The following EXOC2 variants were observed in gnomAD, a reference collection of about 807,000 sequenced individuals.
EXOC2 encodes the protein SEC5-like 1.
Under a neutral mutation model 131.8 loss-of-function variants are expected in EXOC2, and 70 were observed. The ratio of observed to expected loss-of-function variants is 0.53; its 90% CI spans 0.44 to 0.65. EXOC2 has a LOEUF of 0.65. Among genes scored for constraint, EXOC2 ranks in the 30% least tolerant of loss-of-function variants. The pLI is 0.00. For synonymous variants in EXOC2, 411 were observed against 398.4 expected, an observed-to-expected ratio of 1.03 and a Z score of -0.38; for missense variants, 923 against 1,108.6, an observed-to-expected ratio of 0.83 and a Z score of 2.38.
intron 1 of EXOC2, among the ~76,000 whole-genome samples, chr6:644,212 G>A (rs545678091): frequency 7.9e-5 from 12 of 152,158 alleles, no homozygotes; most frequent in African/African-American, 2.2e-4. Context: ...ATCAATCACT[G>A]TGAATTACCA....
Position 690,164 on chromosome 6 carries a change from G to A in EXOC2, c.-44+2855C>T, listed in dbSNP as rs765634202. Among the ~76,000 whole-genome samples the A allele has an allele frequency of 1.1e-4, 16 of 152,274 alleles. No homozygotes were observed. The East Asian group carries it at 2.9e-3, about 28-fold the overall frequency. On this transcript the variant is annotated intron_variant, in intron 1 of 27. Transcript: ENST00000230449. Reference sequence around the variant, plus strand: ...GCATTCAGGAGTTCAAGACCAGCCTGGGCAACGTAGGAAGACCTCACCTCC... The same window carrying A: ...GCATTCAGGAGTTCAAGACCAGCCTAGGCAACGTAGGAAGACCTCACCTCC...
At chr6:630,891 G>A (rs1225306408) in intron 3 of EXOC2, among the ~76,000 whole-genome samples, 1 of 152,184 alleles carries the variant, frequency 6.6e-6, no homozygotes, top group Non-Finnish European at 1.5e-5. Flanking sequence ...GTTATTCAGG[G>A]AAAACTGACT....
intron 1 of EXOC2, among the ~76,000 whole-genome samples, chr6:688,984 C>A (rs1764792948): frequency 6.6e-6 from 1 of 152,192 alleles, no homozygotes; most frequent in African/African-American, 2.4e-5. Flanking sequence ...TTCATCCATG[C>A]TTACAAATGA....
chr6:508,214 G>A (rs565886172), intron 23 of EXOC2, among the ~76,000 whole-genome samples: 3 of 152,232 alleles, frequency 2.0e-5, no homozygotes, highest in South Asian at 2.1e-4. Context: ...CGTCCCGCCC[G>A]CCACCACATA....
intron 1 of EXOC2, among the ~76,000 whole-genome samples, chr6:646,076 G>C (rs1099773): frequency 0.67 from 102,250 of 152,106 alleles, 34,821 homozygotes; most frequent in Middle Eastern, 0.81. Context: ...TTTGATTTGG[G>C]TTATGTATCT....
chr6:631,145 A>T (rs1304635457), intron 3 of EXOC2, among the ~76,000 whole-genome samples: 1 of 152,214 alleles, frequency 6.6e-6, no homozygotes, highest in Non-Finnish European at 1.5e-5. Context: ...CTGTAGCTGC[A>T]AGGCCCTCTA....
intron 23 of EXOC2, among the ~76,000 whole-genome samples, chr6:523,670 A>G (rs552898149): frequency 2.5e-4 from 38 of 152,362 alleles, no homozygotes; most frequent in African/African-American, 9.1e-4. Context: ...CCAAAGTATA[A>G]TCAGTTCTTT....
intron 11 of EXOC2, among the ~76,000 whole-genome samples, chr6:578,087 G>A (rs1581478481): frequency 6.6e-6 from 1 of 152,224 alleles, no homozygotes; most frequent in South Asian, 2.1e-4. Flanking sequence ...ATATCTCCAT[G>A]TTCCCCACAG....
chr6:660,384 A>T (rs1184266739), intron 1 of EXOC2, among the ~76,000 whole-genome samples: 2 of 152,202 alleles, frequency 1.3e-5, no homozygotes, highest in African/African-American at 4.8e-5. Flanking sequence ...ACCCTCCCTC[A>T]GGGAGTCCAT....
At chr6:675,311 T>C (rs1362604910) in intron 1 of EXOC2, among the ~76,000 whole-genome samples, 1 of 152,220 alleles carries the variant, frequency 6.6e-6, no homozygotes, top group East Asian at 1.9e-4. Context: ...AAAAAACATT[T>C]AGAAATTCTC....
chr6:495,127 CT>C (rs11335527), intron 25 of EXOC2, among the ~76,000 whole-genome samples: 64,111 of 119,340 alleles, frequency 0.54, 16,464 homozygotes, highest in East Asian at 0.65. Flanking sequence ...GGTGAACATT[CT>C]TTTTTTTTTT....
At chr6:617,999 C>T (rs779712577) in intron 5 of EXOC2, among the ~76,000 whole-genome samples, 164 bp from the exon 6 acceptor site, 10 of 152,132 alleles carry the variant, frequency 6.6e-5, no homozygotes, top group Non-Finnish European at 1.2e-4. Context: ...CAAATTGTTG[C>T]GTAGATCTAA....
In EXOC2 at chr6:485,875, G is replaced by A. The variant is rs896074345; in HGVS notation, c.*796C>T. ...TTTCCGTTAGGGGACCCTGAAGTCT[G>A]CGACCGCCCCGCCAACACCTCAGAG... On this transcript the variant is annotated 3_prime_UTR_variant, in exon 28 of 28. Transcript: ENST00000230449. 5 of 152,266 alleles carry A rather than the reference G, an allele frequency of 3.3e-5. No homozygotes were observed. Among genetic ancestry groups the A allele is most frequent in the African/African-American group, 1.2e-4 (5 of 41,456 alleles). The allele number at this position is 152,266 out of a possible 1,614,324, so 9.4% of individuals were successfully genotyped here.
At chr6:503,845 G>A (rs899239300) in intron 23 of EXOC2, among the ~76,000 whole-genome samples, 12 of 152,262 alleles carry the variant, frequency 7.9e-5, no homozygotes, top group African/African-American at 2.4e-4. Context: ...GAGACCAGCC[G>A]AGTAGCACGC....
intron 1 of EXOC2, among the ~76,000 whole-genome samples, chr6:671,390 T>C (rs771360929): frequency 4.6e-5 from 7 of 151,972 alleles, no homozygotes; most frequent in Non-Finnish European, 1.0e-4. Context: ...ATTTGTTTTT[T>C]AAGCCAACAA....
At position 501,170 on chromosome 6, in the gene EXOC2, ATATATC is replaced by A. The variant is rs202156355; in HGVS notation, c.2381-1476_2381-1471del. Among the ~76,000 whole-genome samples the A allele has an allele frequency of 5.6e-4, 7 of 12,434 alleles. No individual in the cohort carries two copies. In the East Asian group the frequency reaches 7.5e-3, roughly 13 times the overall value. The allele number at this position is 12,434 out of a possible 152,430, so 8.2% of individuals were successfully genotyped here. A position where few individuals can be genotyped will look rare whatever the true frequency, so the allele number is the denominator to read the frequency against. On this transcript the variant is annotated intron_variant, in intron 23 of 27. Transcript: ENST00000230449. ...TATTATATATATCTATATATATTAT[ATATATC>A]TATATATTATATATATCTATATATA...
intron 13 of EXOC2, among the ~76,000 whole-genome samples, chr6:568,392 T>A (rs1296811555): frequency 5.9e-5 from 9 of 152,292 alleles, no homozygotes; most frequent in Non-Finnish European, 1.3e-4. Context: ...ACATGTGCTC[T>A]CCTTAGGTCT....
At chr6:558,594 T>G (rs1329004716) in intron 17 of EXOC2, among the ~76,000 whole-genome samples, 1 of 152,100 alleles carries the variant, frequency 6.6e-6, no homozygotes, top group Non-Finnish European at 1.5e-5. Flanking sequence ...GGTGGATTGC[T>G]TGAGGTCAGA....
intron 17 of EXOC2, 141 bp downstream of exon 17, chr6:562,643 T>C: frequency 2.0e-6 from 1 of 495,454 alleles, no homozygotes; most frequent in South Asian, 6.7e-5. Context: ...AGCAAAAATG[T>C]CTCTGAGAAG....
Sources: allele counts gnomAD v4.1 joint callset (sites outside exome capture counted in the v4.1 genomes callset), GRCh38; gene constraint gnomAD v4.1.1; transcripts MANE v1.5; gene names NCBI Gene and HGNC (gene_info 2026-07-23, HGNC 2026-07-21).